Variants in RUNX1T1 observed in about 807,000 individuals in gnomAD.
RUNX1T1 encodes protein CBFA2T1.
Under a neutral mutation model 62.8 loss-of-function variants are expected in RUNX1T1, and 4 were observed. The observed-to-expected ratio is 0.06, with a 90% CI of 0.03 to 0.15. The LOEUF (loss-of-function observed/expected upper bound fraction) is 0.15. Among genes scored for constraint, RUNX1T1 ranks in the 10% least tolerant of loss-of-function variants. The pLI is 1.00. For synonymous variants in RUNX1T1, 291 were observed against 286.0 expected (o/e 1.02, Z -0.18); for missense variants, 508 against 754.3 (o/e 0.67, Z 3.82).
chr8:92,050,734 T>C (rs1248705406), intron 1 of RUNX1T1, among the ~76,000 whole-genome samples: 2 of 152,186 alleles, frequency 1.3e-5, no homozygotes, highest in Non-Finnish European at 2.9e-5. Context: ...TAGTGACTAC[T>C]AAGTGCAAGA....
At chr8:92,054,223 T>C (rs929577009) in intron 1 of RUNX1T1, among the ~76,000 whole-genome samples, 1 of 152,096 alleles carries the variant, frequency 6.6e-6, no homozygotes, top group Non-Finnish European at 1.5e-5. Flanking sequence ...GTTTCCACAT[T>C]TGCAAATAAC....
At chr8:92,026,713 T>G (rs979587751) in intron 1 of RUNX1T1, among the ~76,000 whole-genome samples, 1 of 151,746 alleles carries the variant, frequency 6.6e-6, no homozygotes, top group Admixed American at 6.6e-5. Context: ...TCCAAGCTAC[T>G]CAGGAGGTTG....
chr8:91,960,017 A>C, exon 11 of RUNX1T1: 1 of 573,232 alleles, frequency 1.7e-6, no homozygotes, highest in Admixed American at 3.0e-5. Flanking sequence ...CTCTAAAGAA[A>C]AGATATCTTT....
At chr8:92,010,277 T>C (rs1306408650) in intron 4 of RUNX1T1, 2 of 152,210 alleles carry the variant, frequency 1.3e-5, no homozygotes, top group Non-Finnish European at 2.9e-5. Flanking sequence ...TATAAACTTA[T>C]TGAGAATCCA....
chr8:92,011,704 T>C (rs1821964876), intron 3 of RUNX1T1, among the ~76,000 whole-genome samples: 1 of 152,186 alleles, frequency 6.6e-6, no homozygotes, highest in South Asian at 2.1e-4. Context: ...GAAAGAAAAA[T>C]CCCAATTATC....
chr8:92,012,515 C>T (rs763392306), intron 3 of RUNX1T1, among the ~76,000 whole-genome samples: 1 of 151,546 alleles, frequency 6.6e-6, no homozygotes, highest in East Asian at 1.9e-4. Context: ...TGACAGAGAA[C>T]GGGTATGGGT....
intron 1 of RUNX1T1, among the ~76,000 whole-genome samples, chr8:92,096,970 T>G (rs1358337568): frequency 6.6e-6 from 1 of 151,524 alleles, no homozygotes; most frequent in Admixed American, 6.6e-5. Context: ...CACCGCCCCC[T>G]CTCCCCCACC....
At chr8:91,958,041 T>C (rs1368651595), downstream of RUNX1T1, 1 of 211,780 alleles carries the variant, frequency 4.7e-6, no homozygotes, top group African/African-American at 2.3e-5. Flanking sequence ...ATTGCCTCTA[T>C]GCAGATACTT....
At chr8:92,034,684 G>A (rs918552397) in intron 1 of RUNX1T1, among the ~76,000 whole-genome samples, 2 of 104,694 alleles carry the variant, frequency 1.9e-5, no homozygotes, top group African/African-American at 8.8e-5. Context: ...GTGTGTGTGT[G>A]TGTGTGTATA....
chr8:91,960,232 G>T, exon 11 of RUNX1T1: 1 of 1,605,450 alleles, frequency 6.2e-7, no homozygotes, highest in South Asian at 1.1e-5. Flanking sequence ...CGACAGTTCT[G>T]AGTTCACGTC....
At chr8:92,018,158 T>G (rs1281890624) in intron 1 of RUNX1T1, among the ~76,000 whole-genome samples, 2 of 152,202 alleles carry the variant, frequency 1.3e-5, no homozygotes, top group Admixed American at 6.5e-5. Context: ...TACCCAATAA[T>G]GGACATTCAT....
intron 1 of RUNX1T1, among the ~76,000 whole-genome samples, chr8:92,061,920 C>A (rs988847761): frequency 3.3e-5 from 5 of 152,162 alleles, no homozygotes; most frequent in African/African-American, 1.2e-4. Flanking sequence ...ACACTCCAGG[C>A]TCCAAAAATA....
intron 1 of RUNX1T1, among the ~76,000 whole-genome samples, chr8:92,031,871 C>A (rs989526498): frequency 2.0e-5 from 3 of 151,758 alleles, no homozygotes; most frequent in Non-Finnish European, 2.9e-5. Context: ...GCGGGCGGGT[C>A]ACTTGAGCCC....
exon 1 of RUNX1T1, chr8:92,062,675 G>A (rs779856584): frequency 2.2e-5 from 36 of 1,612,940 alleles, no homozygotes; most frequent in Admixed American, 5.0e-5. Flanking sequence ...GGGCTGGGGC[G>A]GCATCGCCGG....
At chr8:92,009,777 T>C (rs1019597927) in intron 4 of RUNX1T1, 3 of 152,130 alleles carry the variant, frequency 2.0e-5, no homozygotes, top group East Asian at 1.9e-4. Flanking sequence ...TATAGTATTA[T>C]AGTATAAGCC....
At chr8:92,050,791 T>G (rs73695110) in intron 1 of RUNX1T1, among the ~76,000 whole-genome samples, 1 of 152,206 alleles carries the variant, frequency 6.6e-6, no homozygotes, top group Non-Finnish European at 1.5e-5. Flanking sequence ...ATTTAGATCA[T>G]GTCACTTCCT....
chr8:92,095,128 C>G, intron 1 of RUNX1T1: 1 of 1,535,632 alleles, frequency 6.5e-7, no homozygotes, highest in Non-Finnish European at 8.7e-7. Flanking sequence ...GCAGATTTCT[C>G]TTTCTCACTC....
At chr8:92,073,611 A>G (rs1329468162) in intron 2 of RUNX1T1, among the ~76,000 whole-genome samples, 2 of 152,102 alleles carry the variant, frequency 1.3e-5, no homozygotes, top group African/African-American at 2.4e-5. Context: ...TGTTTTCCCA[A>G]CTTCTTGAGT....
At position 91,993,147 on chromosome 8, in the gene RUNX1T1, T is replaced by C. The variant is rs1389671398; in HGVS notation, c.660-1258A>G. 2.0e-5 allele frequency among the ~76,000 whole-genome samples: 3 copies of C among 152,090 alleles called. No individual in the cohort carries two copies. The East Asian group carries it at 5.8e-4, about 29-fold the overall frequency. On this transcript the variant is annotated intron_variant, in intron 5 of 10. Transcript: ENST00000396218. ...ATCTACATGCCTTCTTTATTTTAGATAGTAAAACAACAGCATAGAGGCACT... is the reference window on the plus strand; with the variant it reads ...ATCTACATGCCTTCTTTATTTTAGACAGTAAAACAACAGCATAGAGGCACT...
Sources: allele counts gnomAD v4.1 joint callset (sites outside exome capture counted in the v4.1 genomes callset), GRCh38; gene constraint gnomAD v4.1.1; transcripts MANE v1.5; gene names NCBI Gene and HGNC (gene_info 2026-07-23, HGNC 2026-07-21).